The following TECPR1 variants were observed in gnomAD, a reference collection of about 807,000 sequenced individuals.
TECPR1 encodes the protein tectonin beta-propeller repeat-containing protein 1.
Under a neutral mutation model 162.4 loss-of-function variants are expected in TECPR1, and 122 were observed. That is an observed-to-expected ratio of 0.75 (90% CI 0.65 to 0.87). The LOEUF (loss-of-function observed/expected upper bound fraction) is 0.87. Ranked by LOEUF, TECPR1 falls within the 40% of genes least tolerant of loss-of-function variation. The pLI is 0.00. For synonymous variants in TECPR1, 642 were observed against 670.6 expected (o/e 0.96, Z 0.66); for missense variants, 1,432 against 1,618.2 (o/e 0.88, Z 1.97).
In TECPR1 at chr7:98,231,170, C is replaced by T. The variant is rs1424531303; in HGVS notation, c.2125-52G>A. 3.7e-6 allele frequency: 6 copies of T among 1,607,882 alleles called. No homozygotes were observed. The African/African-American group carries it at 8.0e-5, about 21-fold the overall frequency. ...CTGAGCAGGCCAGGCCAGGCCAGGC[C>T]ACCCCACCATGGCTATCCCTCCCCC... On this transcript the variant is annotated intron_variant, in intron 14 of 25. Transcript: ENST00000447648.
intron 20 of TECPR1, 34 bp from the exon 21 acceptor site, chr7:98,223,204 C>G: frequency 6.5e-7 from 1 of 1,547,828 alleles, no homozygotes; most frequent in Non-Finnish European, 8.7e-7. Context: ...GCCCAGGGAC[C>G]CCAAGGTGAC....
At position 98,232,008 on chromosome 7, in the gene TECPR1, CA is replaced by C. The variant is rs1284571103; in HGVS notation, c.1819-50del. The C allele has an allele frequency of 2.3e-5, 35 of 1,551,964 alleles. No individual in the cohort carries two copies. Among genetic ancestry groups the C allele is most frequent in the Non-Finnish European group, 3.0e-5 (35 of 1,151,322 alleles). ...ACCATCACAGGCAGGCCCGGGGTGC[CA>C]GGGGAGGAGGGCGGGGCTGGGGGTG... is the stretch of plus-strand genomic sequence containing the variant. On this transcript the variant is annotated intron_variant, in intron 12 of 25. Coordinates refer to ENST00000447648, the MANE Select transcript of TECPR1 (RefSeq NM_015395.3). The surrounding 1 kb of genome is among the most constrained non-coding windows in gnomAD (Gnocchi z 4.6).
chr7:98,228,715 C>T lies in TECPR1; in HGVS notation c.2410+324G>A, dbSNP rs150624128. On this transcript the variant is annotated intron_variant, in intron 16 of 25. Coordinates refer to ENST00000447648, the MANE Select transcript of TECPR1 (RefSeq NM_015395.3). ...CAGTAGGAACAGAGGGACCCTGGCTCCTAGAAATCGGGGGGCCACAGAAGT... is the reference window on the plus strand; with the variant it reads ...CAGTAGGAACAGAGGGACCCTGGCTTCTAGAAATCGGGGGGCCACAGAAGT... 956 of 279,126 alleles carry T rather than the reference C, an allele frequency of 3.4e-3. 6 individuals carry two copies. The highest frequency in any genetic ancestry group is 0.019 in the African/African-American group (896 of 47,012). The allele number at this position is 279,126 out of a possible 1,614,324, so 17.3% of individuals were successfully genotyped here.
At chr7:98,229,312 C>A in intron 15 of TECPR1, 146 bp from the exon 16 acceptor site, 5 of 1,075,776 alleles carry the variant, frequency 4.6e-6, no homozygotes, top group Non-Finnish European at 6.6e-6. Context: ...CCCTGCCTGA[C>A]CTCCGCGTTC....
At position 98,241,388 on chromosome 7, in the gene TECPR1, G is replaced by A. The variant is rs182730798; in HGVS notation, c.658-144C>T. The A allele has an allele frequency of 1.4e-4, 127 of 939,260 alleles. 1 individual carries two copies. The African/African-American group carries it at 1.7e-3, about 12-fold the overall frequency. 58.2% of individuals were successfully genotyped at this position (939,260 alleles called of 1,614,324 possible). A position where few individuals can be genotyped will look rare whatever the true frequency, so the allele number is the denominator to read the frequency against. On this transcript the variant is annotated intron_variant, in intron 6 of 25. Transcript: ENST00000447648. The surrounding 1 kb of genome is among the most constrained non-coding windows in gnomAD (Gnocchi z 5.0). ...CTGCCCCCTACCCCGGCCAAAAAAC[G>A]CAAACCCTGGATTCCGGTGGTCCTG...
intron 19 of TECPR1, among the ~76,000 whole-genome samples, chr7:98,224,113 G>C (rs1042817393): frequency 6.6e-6 from 1 of 152,170 alleles, no homozygotes; most frequent in Admixed American, 6.5e-5. Context: ...AAGAGCCCTC[G>C]GTCAGGATGA....
intron 19 of TECPR1, 161 bp from the exon 20 acceptor site, chr7:98,223,879 A>T: frequency 1.4e-6 from 1 of 696,682 alleles, no homozygotes; most frequent in Non-Finnish European, 2.4e-6. Flanking sequence ...CGCGGCTCTC[A>T]GGAGGCGCTT....
chr7:98,225,653 TTTTC>T (rs1293067602), intron 17 of TECPR1, among the ~76,000 whole-genome samples: 2 of 152,106 alleles, frequency 1.3e-5, no homozygotes, highest in Non-Finnish European at 1.5e-5. Flanking sequence ...ACTCGTTCTC[TTTTC>T]TTTCTTTCTT....
At chr7:98,224,288 A>G (rs1584326168) in intron 19 of TECPR1, among the ~76,000 whole-genome samples, 1 of 152,140 alleles carries the variant, frequency 6.6e-6, no homozygotes, top group Non-Finnish European at 1.5e-5. Flanking sequence ...CACGCCGTGC[A>G]CCTGCACCGC....
rs531815452 is a variant in TECPR1, at chr7:98,241,054, G to A, written c.832+16C>T. On this transcript the variant is annotated intron_variant, in intron 7 of 25. Coordinates refer to ENST00000447648, the MANE Select transcript of TECPR1 (RefSeq NM_015395.3). This position sits in a 1 kb window ranked among gnomAD's most constrained non-coding sequence, Gnocchi z 5.0. ...CCCAGTACAGGGTATGTGGGTGGGG[G>A]AGCCGGGCTGCCCACCTTTGGGATT... The A allele has an allele frequency of 2.5e-6, 4 of 1,596,134 alleles. No homozygotes were observed. The South Asian group carries it at 3.4e-5, about 13-fold the overall frequency.
At chr7:98,242,997 C>T (rs1023918812) in intron 6 of TECPR1, among the ~76,000 whole-genome samples, 3 of 13,686 alleles carry the variant, frequency 2.2e-4, no homozygotes, top group Admixed American at 1.3e-3. Context: ...CATCCACCCA[C>T]CCATCCACCC....
At position 98,241,016 on chromosome 7, in the gene TECPR1, C is replaced by T. The variant is rs145136094; in HGVS notation, c.832+54G>A. 8,563 of 1,585,822 alleles carry T rather than the reference C, an allele frequency of 5.4e-3. 27 individuals are homozygous for T. Among genetic ancestry groups the T allele is most frequent in the Non-Finnish European group, 6.3e-3 (7,386 of 1,166,570 alleles). On this transcript the variant is annotated intron_variant, in intron 7 of 25. Transcript: ENST00000447648. This position sits in a 1 kb window ranked among gnomAD's most constrained non-coding sequence, Gnocchi z 5.0. Reference sequence around the variant, plus strand: ...CCTGGACAGCTGGGGAGCGAGTGACCCTCACCCTTCTCCCCAGTACAGGGT... The same window carrying T: ...CCTGGACAGCTGGGGAGCGAGTGACTCTCACCCTTCTCCCCAGTACAGGGT...
chr7:98,250,183 G>T (rs1404349713), intron 2 of TECPR1, among the ~76,000 whole-genome samples: 1 of 152,184 alleles, frequency 6.6e-6, no homozygotes, highest in Non-Finnish European at 1.5e-5. Flanking sequence ...GTCAATAGTA[G>T]AATCTAGTTG....
Position 98,241,754 on chromosome 7 carries a change from C to A in TECPR1, c.658-510G>T, listed in dbSNP as rs537947916. Among the ~76,000 whole-genome samples, 74 of 152,280 alleles carry A rather than the reference C, an allele frequency of 4.9e-4. 1 individual carries two copies. The highest frequency in any genetic ancestry group is 1.7e-3 in the African/African-American group (72 of 41,558). ...TTCGTGATCCAGAAAGGGCAAGGGA[C>A]CCTCCCCATAGGGCTGTCTTCAGAC... On this transcript the variant is annotated intron_variant, in intron 6 of 25. Coordinates refer to ENST00000447648, the MANE Select transcript of TECPR1 (RefSeq NM_015395.3). The surrounding 1 kb of genome is among the most constrained non-coding windows in gnomAD (Gnocchi z 5.0).
intron 21 of TECPR1, 171 bp downstream of exon 21, chr7:98,222,819 C>A: frequency 1.1e-6 from 1 of 932,878 alleles, no homozygotes; most frequent in Non-Finnish European, 1.6e-6. Context: ...CTGTCACCCC[C>A]GCCCCACCCG....
At position 98,232,816 on chromosome 7, in the gene TECPR1, G is replaced by C; in HGVS notation, c.1818+11C>G. ...AAAAAAAAATGCATGCGCAGCCACCGGGGCACCCACCTGCTCCACGGCCTG... is the reference window on the plus strand; with the variant it reads ...AAAAAAAAATGCATGCGCAGCCACCCGGGCACCCACCTGCTCCACGGCCTG... On this transcript the variant is annotated intron_variant, in intron 12 of 25. Coordinates refer to ENST00000447648, the MANE Select transcript of TECPR1 (RefSeq NM_015395.3). The surrounding 1 kb of genome is among the most constrained non-coding windows in gnomAD (Gnocchi z 4.6). The C allele has an allele frequency of 6.4e-7, 1 of 1,562,856 alleles. No homozygotes were observed.
rs1282917051 is a variant in TECPR1 at position 98,243,562 on chromosome 7, G to T, written c.562C>A (p.Pro188Thr). 6.2e-7 allele frequency: 1 copy of T among 1,612,612 alleles called. No individual in the cohort carries two copies. Among genetic ancestry groups the T allele is most frequent in the South Asian group, 1.1e-5 (1 of 91,078 alleles). ...IPSKDDPKEL[P>T]DPFNDLSVGG... ...ACAGAGAGGTCGTTGAAGGGGTCGG[G>T]CAGCTCCTTGGGGTCATCCTTCGAG... Residue 188 changes from proline to threonine, a missense_variant, in exon 6 of 26, where the codon CCC (proline) becomes ACC (threonine). Physicochemically the swap from Pro to Thr is conservative, Grantham distance 38. Transcript: ENST00000447648.
chr7:98,216,566 T>C lies in TECPR1; in HGVS notation c.*824A>G, dbSNP rs1798012527. 6.7e-6 allele frequency: 1 copy of C among 148,906 alleles called. No homozygotes were observed. The highest frequency in any genetic ancestry group is 1.5e-5 in the Non-Finnish European group (1 of 67,250). 9.2% of individuals were successfully genotyped at this position (148,906 alleles called of 1,614,324 possible). On this transcript the variant is annotated 3_prime_UTR_variant, in exon 26 of 26. Coordinates refer to ENST00000447648, the MANE Select transcript of TECPR1 (RefSeq NM_015395.3). ...GCTGTCTCCTTCCTTCACTTTTTTTTTTTTTTTTTTTTGAGATGGAGTCTC... is the reference window on the plus strand; with the variant it reads ...GCTGTCTCCTTCCTTCACTTTTTTTCTTTTTTTTTTTTGAGATGGAGTCTC...
Position 98,216,558 on chromosome 7 carries a change from CTTT to C in TECPR1, c.*829_*831del, listed in dbSNP as rs34415455. On this transcript the variant is annotated 3_prime_UTR_variant, in exon 26 of 26. Coordinates refer to ENST00000447648, the MANE Select transcript of TECPR1 (RefSeq NM_015395.3). ...TCCAATCTGCTGTCTCCTTCCTTCA[CTTT>C]TTTTTTTTTTTTTTTTTGAGATGGA... 275 of 110,066 alleles carry C rather than the reference CTTT, an allele frequency of 2.5e-3. 4 individuals carry two copies. In the Middle Eastern group the frequency reaches 0.034, roughly 14 times the overall value. The allele number at this position is 110,066 out of a possible 1,614,324, so 6.8% of individuals were successfully genotyped here. A position where few individuals can be genotyped will look rare whatever the true frequency, so the allele number is the denominator to read the frequency against.
Sources: gnomAD v4.1 joint callset for allele counts (sites outside exome capture counted in the v4.1 genomes callset) on GRCh38, gnomAD v4.1.1 for gene constraint, Gnocchi (gnomAD v3.1) non-coding constraint, MANE v1.5 for transcripts, NCBI Gene and HGNC (gene_info 2026-07-23, HGNC 2026-07-21) for gene names.